The following COL18A1 variants were observed in gnomAD, a reference collection of about 807,000 sequenced individuals.
COL18A1 encodes collagen type XVIII alpha 1 chain, also known as collagen alpha-1(XVIII) chain.
Under a neutral mutation model 168.0 loss-of-function variants are expected in COL18A1, and 133 were observed. That is an observed-to-expected ratio of 0.79 (90% CI 0.69 to 0.91). COL18A1 has a LOEUF of 0.91. COL18A1 is among the 40% of genes least tolerant of loss of function. The pLI is 0.00. For synonymous variants in COL18A1, 949 were observed against 809.0 expected, an observed-to-expected ratio of 1.17 and a Z score of -2.94; for missense variants, 2,126 against 1,925.4, an observed-to-expected ratio of 1.10 and a Z score of -1.95.
intron 2 of COL18A1, among the ~76,000 whole-genome samples, chr21:45,411,555 CCA>C (rs1271978482): frequency 6.6e-6 from 1 of 152,070 alleles, no homozygotes; most frequent in Non-Finnish European, 1.5e-5. Context: ...CCTCAGACGC[CCA>C]CAGTCTGGAG....
At chr21:45,509,687 T>A in intron 39 of COL18A1, 86 bp downstream of exon 39, 2 of 820,460 alleles carry the variant, frequency 2.4e-6, no homozygotes, top group Non-Finnish European at 4.0e-6. Flanking sequence ...GCAGAGCTGC[T>A]GGGGGTCCCA....
intron 30 of COL18A1, 52 bp from the exon 31 acceptor site, chr21:45,496,998 C>A: frequency 2.2e-6 from 3 of 1,338,562 alleles, no homozygotes; most frequent in Non-Finnish European, 3.2e-6. Flanking sequence ...GTGGTGGTGG[C>A]CTCCATTTCA....
At chr21:45,495,665 CAT>C (rs1378244183) in intron 29 of COL18A1, 2 of 538,510 alleles carry the variant, frequency 3.7e-6, no homozygotes, top group Admixed American at 5.7e-5. Context: ...CATGTGTGCA[CAT>C]ATACACATGC....
intron 15 of COL18A1, among the ~76,000 whole-genome samples, chr21:45,486,265 C>G (rs557826402): frequency 6.7e-6 from 1 of 149,702 alleles, no homozygotes; most frequent in African/African-American, 2.5e-5. Flanking sequence ...CCTTGCCTGC[C>G]GGGGAGCCAG....
At chr21:45,421,462 T>G in intron 2 of COL18A1, 1 of 534,582 alleles carries the variant, frequency 1.9e-6, no homozygotes, top group South Asian at 1.4e-5. Flanking sequence ...CCCTGGCGTC[T>G]CAGGAGCGGA....
chr21:45,455,975 G>T lies in COL18A1; in HGVS notation c.107-12267G>T, dbSNP rs745814977. 6.2e-6 allele frequency: 10 copies of T among 1,612,932 alleles called. No homozygotes were observed. The South Asian group carries it at 8.8e-5, about 14-fold the overall frequency. ...GGAAACCCTGGTCCTGGAGACTCCT[G>T]TGGGCCCCCTTGCCCTCGCTGGGCC... On this transcript the variant is annotated intron_variant, in intron 2 of 41. Coordinates refer to ENST00000651438, the MANE Select transcript of COL18A1 (RefSeq NM_001379500.1).
At position 45,482,838 on chromosome 21, in the gene COL18A1, T is replaced by C. The variant is rs1318684748; in HGVS notation, c.1701+17T>C. On this transcript the variant is annotated intron_variant, in intron 15 of 41. Transcript: ENST00000651438. Reference sequence around the variant, plus strand: ...GGACATAAGGTACAAGCAGAATCCCTGGCACATCAGTCCCCTGCCCCTGGT... The same window carrying C: ...GGACATAAGGTACAAGCAGAATCCCCGGCACATCAGTCCCCTGCCCCTGGT... The C allele has an allele frequency of 6.2e-7, 1 of 1,614,138 alleles. No individual in the cohort carries two copies. The highest frequency in any genetic ancestry group is 2.2e-5 in the East Asian group (1 of 44,864).
chr21:45,454,243 C>T (rs1182143203), intron 2 of COL18A1, among the ~76,000 whole-genome samples: 1 of 152,160 alleles, frequency 6.6e-6, no homozygotes, highest in Non-Finnish European at 1.5e-5. Context: ...CCAAGCAGCC[C>T]AGCCCTGCCC....
intron 2 of COL18A1, among the ~76,000 whole-genome samples, chr21:45,435,685 T>G (rs1349039964): frequency 6.6e-6 from 1 of 151,772 alleles, no homozygotes; most frequent in Non-Finnish European, 1.5e-5. Context: ...AGACGCTGGG[T>G]GGATGGGGAG....
Position 45,474,445 on chromosome 21 carries a change from C to CTG in COL18A1, c.738+470_738+471dup, listed in dbSNP as rs148838823. 4.6e-3 allele frequency among the ~76,000 whole-genome samples: 656 copies of CTG among 143,180 alleles called. 13 individuals carry two copies. The highest frequency in any genetic ancestry group is 0.016 in the African/African-American group (634 of 38,742). 93.9% of individuals were successfully genotyped at this position (143,180 alleles called of 152,430 possible). A position where few individuals can be genotyped will look rare whatever the true frequency, so the allele number is the denominator to read the frequency against. On this transcript the variant is annotated intron_variant, in intron 4 of 41. Coordinates refer to ENST00000651438, the MANE Select transcript of COL18A1 (RefSeq NM_001379500.1). ...TGTCGTGTGTGTCTGTGGTGTGTCTCTGTGTGTAGTGTGTCTCTGTGTGTG... is the reference window on the plus strand; with the variant it reads ...TGTCGTGTGTGTCTGTGGTGTGTCTCTGTGTGTGTAGTGTGTCTCTGTGTGTG...
rs531174886 is a variant in COL18A1 at position 45,504,507 on chromosome 21, C to T, written c.2819C>T (p.Pro940Leu). The T allele has an allele frequency of 1.2e-5, 13 of 1,047,366 alleles. No individual in the cohort carries two copies. Among genetic ancestry groups the T allele is most frequent in the South Asian group, 1.4e-5 (1 of 71,650 alleles). 64.9% of individuals were successfully genotyped at this position (1,047,366 alleles called of 1,614,324 possible). The change falls in exon 34 of 42, where the codon CCC becomes CTC. Residue 940 changes from proline to leucine, a missense_variant. By Grantham distance (98) the Pro-to-Leu change is moderately conservative (BLOSUM62 -3). Coordinates refer to ENST00000651438, the MANE Select transcript of COL18A1 (RefSeq NM_001379500.1). ...TTCTTCGGCTCCAGCCTGCCCGGCCCCCCCGGCCCCCCAGGCCCCCCAGGC... is the reference window on the plus strand; with the variant it reads ...TTCTTCGGCTCCAGCCTGCCCGGCCTCCCCGGCCCCCCAGGCCCCCCAGGC... The part of the protein sequence containing the change: ...GGFFGSSLPG[P>L]PGPPGPPGPR...
intron 15 of COL18A1, among the ~76,000 whole-genome samples, chr21:45,484,206 T>C (rs1188708260): frequency 2.2e-3 from 138 of 62,878 alleles, no homozygotes; most frequent in Middle Eastern, 0.024. Flanking sequence ...CACACACACA[T>C]AGGCACACAC....
chr21:45,496,265 AC>A, intron 29 of COL18A1: 1 of 701,898 alleles, frequency 1.4e-6, no homozygotes, highest in Non-Finnish European at 2.6e-6. Context: ...TGGCCTCTTC[AC>A]TCCTCCCGAG....
Position 45,438,254 on chromosome 21 carries a change from A to T in COL18A1, c.107-29988A>T, listed in dbSNP as rs1161309567. On this transcript the variant is annotated intron_variant, in intron 2 of 41. Coordinates refer to ENST00000651438, the MANE Select transcript of COL18A1 (RefSeq NM_001379500.1). Reference sequence around the variant, plus strand: ...GACACACAGGCACTCTCCTGCACACACACACACTCACACTCAGACACACAG... The same window carrying T: ...GACACACAGGCACTCTCCTGCACACTCACACACTCACACTCAGACACACAG... Among the ~76,000 whole-genome samples, 92 of 119,684 alleles carry T rather than the reference A, an allele frequency of 7.7e-4. 2 individuals carry two copies. The highest frequency in any genetic ancestry group is 1.1e-3 in the Admixed American group (14 of 12,366). The allele number at this position is 119,684 out of a possible 152,430, so 78.5% of individuals were successfully genotyped here.
intron 22 of COL18A1, among the ~76,000 whole-genome samples, chr21:45,491,965 G>T (rs564532768): frequency 1.3e-5 from 2 of 152,352 alleles, no homozygotes; most frequent in South Asian, 4.1e-4. Context: ...CCAGTGGAAG[G>T]GGGGCTGCCC....
rs2035120382 is a variant in COL18A1, at chr21:45,463,921, A to G, written c.107-4321A>G. On this transcript the variant is annotated intron_variant, in intron 2 of 41. Coordinates refer to ENST00000651438, the MANE Select transcript of COL18A1 (RefSeq NM_001379500.1). The surrounding 1 kb of genome is among the most constrained non-coding windows in gnomAD (Gnocchi z 4.0). Reference sequence around the variant, plus strand: ...TAAAAAAAAAAAAGAAAAGGAAAGAAATCAAGTCTTGAGGCATCATCATTG... The same window carrying G: ...TAAAAAAAAAAAAGAAAAGGAAAGAGATCAAGTCTTGAGGCATCATCATTG... Among the ~76,000 whole-genome samples the G allele has an allele frequency of 1.3e-5, 2 of 152,172 alleles. No individual in the cohort carries two copies. The highest frequency in any genetic ancestry group is 6.5e-5 in the Admixed American group (1 of 15,284).
intron 37 of COL18A1, chr21:45,506,378 C>A: frequency 2.9e-6 from 1 of 347,144 alleles, no homozygotes. Flanking sequence ...CGTGGCTCTG[C>A]ACCCCGCGTT....
At chr21:45,477,368 A>C in intron 6 of COL18A1, 43 bp from the exon 7 acceptor site, 1 of 1,552,320 alleles carries the variant, frequency 6.4e-7, no homozygotes, top group African/African-American at 1.4e-5. Context: ...AGCTGGGGCC[A>C]CCCGGGGGGC....
At chr21:45,430,663 G>A (rs879773331) in intron 2 of COL18A1, among the ~76,000 whole-genome samples, 17 of 152,332 alleles carry the variant, frequency 1.1e-4, no homozygotes, top group Non-Finnish European at 2.2e-4. Context: ...GAGATGGCGC[G>A]TCTCGGCCCG....
Sources: gnomAD v4.1 joint callset for allele counts (sites outside exome capture counted in the v4.1 genomes callset) on GRCh38, gnomAD v4.1.1 for gene constraint, Gnocchi (gnomAD v3.1) non-coding constraint, MANE v1.5 for transcripts, NCBI Gene and HGNC (gene_info 2026-07-23, HGNC 2026-07-21) for gene names.